Variants in MNDA observed in about 807,000 individuals in gnomAD.
MNDA encodes epididymis secretory sperm binding protein.
In MNDA, 43 loss-of-function variants were observed where a neutral mutation model predicts 37.8. The observed-to-expected ratio is 1.14, with a 90% confidence interval of 0.89 to 1.47. The LOEUF is 1.47. Among genes scored for constraint, MNDA ranks in the 40% most tolerant of loss-of-function variants. The pLI is 0.00. For synonymous variants in MNDA, 181 were observed against 169.0 expected (o/e 1.07, Z -0.55); for missense variants, 536 against 476.0 (o/e 1.13, Z -1.17).
chr1:158,844,138 T>C lies in MNDA; in HGVS notation c.570+16T>C. On this transcript the variant is annotated intron_variant, in intron 4 of 6. Transcript: ENST00000368141. ...GTTTACTCCGGTACACTCTTCCTGG[T>C]CCTCTTCTCCATTTTTTTTTAACCC... is the stretch of plus-strand genomic sequence containing the variant. The C allele has an allele frequency of 6.6e-7, 1 of 1,523,122 alleles. No homozygotes were observed. The highest frequency in any genetic ancestry group is 8.8e-7 in the Non-Finnish European group (1 of 1,132,692). The allele number at this position is 1,523,122 out of a possible 1,614,324, so 94.4% of individuals were successfully genotyped here.
chr1:158,844,149 A>AT (rs543739515), intron 4 of MNDA, 27 bp downstream of exon 4: 373 of 1,459,240 alleles, frequency 2.6e-4, no homozygotes, highest in South Asian at 6.5e-4. Flanking sequence ...CCTCTTCTCC[A>AT]TTTTTTTTTA....
chr1:158,837,145 T>C (rs748450958), intron 1 of MNDA, among the ~76,000 whole-genome samples: 2 of 151,908 alleles, frequency 1.3e-5, no homozygotes. Context: ...ATGTTCCATA[T>C]GTTCGTGTGA....
At chr1:158,847,605 C>A in intron 5 of MNDA, 123 bp from the exon 6 acceptor site, 1 of 802,406 alleles carries the variant, frequency 1.2e-6, no homozygotes, top group South Asian at 2.8e-5. Context: ...GGCCAAGCCA[C>A]ATGTATGATC....
intron 1 of MNDA, among the ~76,000 whole-genome samples, chr1:158,841,421 G>A (rs1659025847): frequency 1.3e-5 from 2 of 152,180 alleles, no homozygotes; most frequent in African/African-American, 2.4e-5. Context: ...TTTAGTAAAA[G>A]TAAGACTAGT....
In MNDA at chr1:158,847,746, A is replaced by C. The variant is rs539078156; in HGVS notation, c.1006A>C (p.Asn336His). The stretch of plus-strand genomic sequence containing the variant: ...TTTGCAGAAAAGCGTACACAAGAAG[A>C]ACACAATTTATGAAATACAGGATAA... ...MLQKKSVHKK[N>H]TIYEIQDNTG... Residue 336 changes from asparagine (N) to histidine (H), a missense_variant, in exon 6 of 7, where the codon AAC becomes CAC. Asn to His is a moderately conservative substitution (Grantham distance 68). Transcript: ENST00000368141. 3.4e-4 allele frequency: 554 copies of C among 1,612,860 alleles called. 2 individuals carry two copies. In the South Asian group the frequency reaches 5.3e-3, roughly 15 times the overall value.
chr1:158,845,611 C>A lies in MNDA; in HGVS notation c.595C>A (p.Gln199Lys). ...GAATCAGGAAACCCAGGCCCAACGG[C>A]AGGTGGATGCAAGAAGAAATGTTCC... ...TPNQETQAQR[Q>K]VDARRNVPQN... Residue 199 changes from glutamine to lysine, a missense_variant, in exon 5 of 7, where the codon CAG (glutamine) becomes AAG (lysine). Coordinates refer to ENST00000368141, the MANE Select transcript of MNDA (RefSeq NM_002432.3). 1 of 1,612,768 alleles carries A rather than the reference C, an allele frequency of 6.2e-7. No individual in the cohort carries two copies. Among genetic ancestry groups the A allele is most frequent in the Non-Finnish European group, 8.5e-7 (1 of 1,179,256 alleles).
At chr1:158,844,174 C>T (rs1659089628) in intron 4 of MNDA, 52 bp downstream of exon 4, 1 of 1,364,918 alleles carries the variant, frequency 7.3e-7, no homozygotes, top group South Asian at 1.6e-5. Context: ...AGTCACAGTG[C>T]ATTCCACTGT....
At position 158,842,194 on chromosome 1, in the gene MNDA, T is replaced by A; in HGVS notation, c.41T>A (p.Phe14Tyr). The A allele has an allele frequency of 8.7e-6, 14 of 1,613,762 alleles. No homozygotes were observed. The highest frequency in any genetic ancestry group is 1.2e-5 in the Non-Finnish European group (14 of 1,179,852). ...EYKKILLLKGFELMDDYHFTS... is the reference protein window; with the variant it reads ...EYKKILLLKGYELMDDYHFTS... ...AAGAAAATTCTTTTGCTGAAAGGAT[T>A]TGAGCTCATGGATGATTATCATTTT... Residue 14 changes from phenylalanine to tyrosine, a missense_variant, in exon 2 of 7, where the codon TTT becomes TAT. Phe to Tyr is a conservative substitution (Grantham distance 22). Transcript: ENST00000368141.
intron 6 of MNDA, among the ~76,000 whole-genome samples, chr1:158,848,708 G>A (rs914942152): frequency 2.0e-5 from 3 of 152,158 alleles, no homozygotes; most frequent in Non-Finnish European, 2.9e-5. Flanking sequence ...CTATGGAGTT[G>A]CATTACAGAG....
At chr1:158,841,988 T>TG in intron 1 of MNDA, 146 bp from the exon 2 acceptor site, 1 of 633,240 alleles carries the variant, frequency 1.6e-6, no homozygotes, top group Non-Finnish European at 2.8e-6. Context: ...TTGTTCACAG[T>TG]GACATATCTG....
In MNDA at chr1:158,849,199, G is replaced by T. The variant is rs200798015; in HGVS notation, c.1186G>T (p.Ala396Ser). 79 of 1,611,272 alleles carry T rather than the reference G, an allele frequency of 4.9e-5. No individual in the cohort carries two copies. The highest frequency in any genetic ancestry group is 6.4e-5 in the Non-Finnish European group (75 of 1,178,406). ...TTATCTCTCTTTAAAGGTCATCAAG[G>T]CCAAGAAAAACAAGGAAGGACCAAT... is the stretch of plus-strand genomic sequence containing the variant. ...GSHSFIKVIK[A>S]KKNKEGPMNV... Residue 396 changes from alanine (A) to serine (S), a missense_variant, in exon 7 of 7, where the codon GCC becomes TCC. Ala to Ser is a moderately conservative substitution (Grantham distance 99, BLOSUM62 1). Coordinates refer to ENST00000368141, the MANE Select transcript of MNDA (RefSeq NM_002432.3).
intron 3 of MNDA, 28 bp downstream of exon 3, chr1:158,843,443 G>C (rs768656668): frequency 1.9e-6 from 3 of 1,569,808 alleles, no homozygotes; most frequent in Non-Finnish European, 2.6e-6. Context: ...GAGCAGGACT[G>C]AAGCCTCACA....
rs779802207 is a variant in MNDA at position 158,845,916 on chromosome 1, C to T, written c.900C>T (p.Ile300=). The T allele has an allele frequency of 5.6e-6, 9 of 1,614,044 alleles. No homozygotes were observed. The highest frequency in any genetic ancestry group is 2.2e-5 in the East Asian group (1 of 44,852). The change falls in exon 5 of 7, where the codon ATC becomes ATT. Residue 300 remains isoleucine, a synonymous_variant. Transcript: ENST00000368141. ...NQNFEVPNRI[I]EIANKTPKIS... is the part of the protein sequence containing the mutation. ...ATTTTGAGGTCCCAAACAGAATTAT[C>T]GAAATAGCAAATAAAACTCCCAAGA...
chr1:158,833,972 G>C (rs1486180291), intron 1 of MNDA, among the ~76,000 whole-genome samples: 3 of 151,968 alleles, frequency 2.0e-5, no homozygotes, highest in African/African-American at 7.3e-5. Context: ...TACCAATGAT[G>C]TACAAGGTTT....
At chr1:158,838,183 T>C (rs1189945780) in intron 1 of MNDA, among the ~76,000 whole-genome samples, 2 of 152,020 alleles carry the variant, frequency 1.3e-5, no homozygotes. Flanking sequence ...ATCAAGAACT[T>C]ACATTTTTGT....
chr1:158,844,454 C>T (rs1193321773), intron 4 of MNDA, among the ~76,000 whole-genome samples: 3 of 150,720 alleles, frequency 2.0e-5, no homozygotes, highest in Non-Finnish European at 3.0e-5. Flanking sequence ...GATCTGCCAA[C>T]GTTCTCTTCA....
intron 5 of MNDA, among the ~76,000 whole-genome samples, chr1:158,847,260 T>C (rs575751305): frequency 1.3e-5 from 2 of 152,202 alleles, no homozygotes; most frequent in Middle Eastern, 3.2e-3. Context: ...CACCGCCATA[T>C]AATTAATCCA....
At chr1:158,842,512 T>C in intron 2 of MNDA, 94 bp downstream of exon 2, 1 of 1,363,868 alleles carries the variant, frequency 7.3e-7, no homozygotes, top group Non-Finnish European at 1.0e-6. Flanking sequence ...ACATCCCTTT[T>C]CCAATTTATA....
In MNDA at chr1:158,845,735, T is replaced by A. The variant is rs1659120920; in HGVS notation, c.719T>A (p.Val240Glu). The A allele has an allele frequency of 6.2e-7, 1 of 1,614,146 alleles. No homozygotes were observed. The change falls in exon 5 of 7, where the codon GTG (valine) becomes GAG (glutamate). Residue 240 changes from valine to glutamate, a missense_variant. By Grantham distance (121) the Val-to-Glu change is moderately radical (BLOSUM62 -2). Coordinates refer to ENST00000368141, the MANE Select transcript of MNDA (RefSeq NM_002432.3). The part of the protein sequence containing the change: ...NGKSTMFHAT[V>E]ASKTQYFHVK... ...AAAAGCACAATGTTTCATGCTACAG[T>A]GGCCAGTAAGACTCAATATTTCCAT...
Sources: allele counts gnomAD v4.1 joint callset (sites outside exome capture counted in the v4.1 genomes callset), GRCh38; gene constraint gnomAD v4.1.1; transcripts MANE v1.5; gene names NCBI Gene and HGNC (gene_info 2026-07-23, HGNC 2026-07-21).